Variants in TENM4 observed in about 807,000 individuals in gnomAD.
The protein encoded by TENM4 is teneurin-4.
Under a neutral mutation model 243.3 loss-of-function variants are expected in TENM4, and 82 were observed. The observed-to-expected ratio is 0.34, with a 90% CI of 0.28 to 0.40. The LOEUF is 0.40. TENM4 is among the 10% of genes least tolerant of loss of function. The pLI is 1.00. For missense variants in TENM4, 3,138 were observed against 3,673.3 expected (o/e 0.85, Z 3.77); for synonymous variants, 1,412 against 1,456.3 (o/e 0.97, Z 0.69).
At position 78,701,565 on chromosome 11, in the gene TENM4, G is replaced by T. The variant is rs777502608; in HGVS notation, c.5048C>A (p.Ala1683Glu). 3 of 1,597,508 alleles carry T rather than the reference G, an allele frequency of 1.9e-6. No homozygotes were observed. In the South Asian group the frequency reaches 3.3e-5, roughly 18 times the overall value. Residue 1683 changes from alanine to glutamate, a missense_variant, in exon 28 of 34, where the codon GCA (alanine) becomes GAA (glutamate). Ala to Glu is a moderately radical substitution (Grantham distance 107). This residue lies in a region of TENM4 where 2,467 missense variants were observed against 3,059.1 expected (regional missense o/e 0.81). Transcript: ENST00000278550. Reference protein sequence around the residue: ...MTYHGNSGLLATKSNENGWTT... With the variant: ...MTYHGNSGLLETKSNENGWTT... Reference sequence around the variant, plus strand: ...CCATCCGTTTTCATTGCTTTTGGTTGCCAGAAGGCCGGAATTGCCATGGTA... The same window carrying T: ...CCATCCGTTTTCATTGCTTTTGGTTTCCAGAAGGCCGGAATTGCCATGGTA...
chr11:79,292,845 A>G (rs1449464128), intron 2 of TENM4, among the ~76,000 whole-genome samples: 1 of 152,256 alleles, frequency 6.6e-6, no homozygotes, highest in Non-Finnish European at 1.5e-5. Context: ...TGCTTTGAGA[A>G]TTAAAATAAT....
intron 6 of TENM4, among the ~76,000 whole-genome samples, chr11:78,944,776 T>A (rs189274623): frequency 2.6e-4 from 39 of 152,334 alleles, no homozygotes; most frequent in African/African-American, 9.4e-4. Context: ...GCACACTGTA[T>A]CTTCACTTCC....
chr11:79,052,245 C>A (rs10899583), intron 6 of TENM4, among the ~76,000 whole-genome samples: 6,285 of 152,274 alleles, frequency 0.041, 200 homozygotes, highest in African/African-American at 0.086. Context: ...ACCAACAGTG[C>A]AAAAGCATTC....
chr11:79,368,057 G>A (rs1383909265), intron 1 of TENM4, among the ~76,000 whole-genome samples: 2 of 152,134 alleles, frequency 1.3e-5, no homozygotes, highest in South Asian at 2.1e-4. Context: ...ATGTGAGTTC[G>A]CTGCGGCCCT....
rs547932790 is a variant in TENM4, at chr11:78,799,865, G to A, written c.2179+5427C>T. Among the ~76,000 whole-genome samples the A allele has an allele frequency of 2.0e-5, 3 of 152,312 alleles. No individual in the cohort carries two copies. The South Asian group carries it at 6.2e-4, about 32-fold the overall frequency. Reference sequence around the variant, plus strand: ...CTAAGGAATAAAATATAGGGAGAGGGCCCTCTCAAATAAAAGTCATTTATG... The same window carrying A: ...CTAAGGAATAAAATATAGGGAGAGGACCCTCTCAAATAAAAGTCATTTATG... On this transcript the variant is annotated intron_variant, in intron 15 of 33. Coordinates refer to ENST00000278550, the MANE Select transcript of TENM4 (RefSeq NM_001098816.3).
At chr11:79,049,567 C>T (rs1441079410) in intron 6 of TENM4, among the ~76,000 whole-genome samples, 1 of 152,226 alleles carries the variant, frequency 6.6e-6, no homozygotes, top group Non-Finnish European at 1.5e-5. Flanking sequence ...GCAAAGCTGG[C>T]CTTGGGCTGG....
At chr11:79,003,994 G>GAA (rs34985685) in intron 6 of TENM4, among the ~76,000 whole-genome samples, 34,324 of 130,632 alleles carry the variant, frequency 0.26, 4,102 homozygotes, top group Middle Eastern at 0.39. Flanking sequence ...TCTAATTTCA[G>GAA]AAAAAAAAAA....
At chr11:79,400,099 C>CCACACA (rs71050221) in intron 1 of TENM4, among the ~76,000 whole-genome samples, 11,158 of 140,484 alleles carry the variant, frequency 0.079, 522 homozygotes, top group East Asian at 0.11. Context: ...TAAACACACA[C>CCACACA]CACACACACA....
chr11:79,376,548 G>A (rs1186044606), intron 1 of TENM4, among the ~76,000 whole-genome samples: 1 of 152,186 alleles, frequency 6.6e-6, no homozygotes, highest in Non-Finnish European at 1.5e-5. Flanking sequence ...ACTTGCTATA[G>A]TCTATATAAT....
intron 3 of TENM4, among the ~76,000 whole-genome samples, chr11:79,178,084 T>C (rs1010368517): frequency 4.6e-5 from 7 of 152,066 alleles, no homozygotes; most frequent in Admixed American, 1.3e-4. Flanking sequence ...TCACATACTT[T>C]TGAAGGCAGA....
intron 25 of TENM4, among the ~76,000 whole-genome samples, chr11:78,718,983 G>C (rs1217371589): frequency 6.6e-6 from 1 of 152,048 alleles, no homozygotes; most frequent in African/African-American, 2.4e-5. Flanking sequence ...GGAAGATGGA[G>C]ACATCATAAT....
intron 1 of TENM4, among the ~76,000 whole-genome samples, chr11:79,335,256 T>C (rs1430077378): frequency 3.3e-5 from 5 of 152,216 alleles, no homozygotes; most frequent in African/African-American, 1.2e-4. Flanking sequence ...CCACCATGAC[T>C]GGGGAAAGCC....
chr11:79,005,959 G>A (rs55869640), intron 6 of TENM4, among the ~76,000 whole-genome samples: 53 of 152,278 alleles, frequency 3.5e-4, no homozygotes, highest in African/African-American at 1.3e-3. Context: ...CAATGCCTAA[G>A]CTGAGAGCTA....
chr11:79,056,685 G>C (rs901254602), intron 6 of TENM4, among the ~76,000 whole-genome samples: 2 of 152,178 alleles, frequency 1.3e-5, no homozygotes, highest in African/African-American at 4.8e-5. Flanking sequence ...GCAAGGCTGG[G>C]TGAGGGAGTC....
At position 79,015,433 on chromosome 11, in the gene TENM4, A is replaced by G. The variant is rs534315819; in HGVS notation, c.493+49305T>C. Among the ~76,000 whole-genome samples the G allele has an allele frequency of 4.6e-5, 7 of 152,222 alleles. No homozygotes were observed. In the East Asian group the frequency reaches 9.7e-4, roughly 21 times the overall value. On this transcript the variant is annotated intron_variant, in intron 6 of 33. Coordinates refer to ENST00000278550, the MANE Select transcript of TENM4 (RefSeq NM_001098816.3). The stretch of plus-strand genomic sequence containing the variant: ...TTCATACTGTGGATCACTAACCTAT[A>G]GAGAAAAACTACACTGCTGATTTCA...
intron 16 of TENM4, among the ~76,000 whole-genome samples, chr11:78,780,973 C>A (rs1015162127): frequency 1.3e-5 from 2 of 152,306 alleles, no homozygotes; most frequent in Middle Eastern, 3.4e-3. Flanking sequence ...CCCCGAGCCA[C>A]ACTGTGAATC....
At chr11:79,304,430 G>T (rs1674861647) in intron 1 of TENM4, among the ~76,000 whole-genome samples, 1 of 152,204 alleles carries the variant, frequency 6.6e-6, no homozygotes, top group African/African-American at 2.4e-5. Flanking sequence ...GTAAAGATGA[G>T]CTCTCCTCCA....
chr11:78,900,755 C>T (rs977395736), intron 7 of TENM4, among the ~76,000 whole-genome samples: 2 of 152,100 alleles, frequency 1.3e-5, no homozygotes, highest in Admixed American at 6.5e-5. Flanking sequence ...TATGAAGGTC[C>T]CTCTGACTTT....
At chr11:78,693,989 T>G (rs904800111) in intron 28 of TENM4, among the ~76,000 whole-genome samples, 6 of 152,166 alleles carry the variant, frequency 3.9e-5, no homozygotes, top group Non-Finnish European at 8.8e-5. Context: ...CACTCCAGCC[T>G]GGGCGACAGA....
Sources: allele counts gnomAD v4.1 joint callset (sites outside exome capture counted in the v4.1 genomes callset), GRCh38; gene constraint gnomAD v4.1.1; regional missense constraint gnomAD v4.1.1; transcripts MANE v1.5; gene names NCBI Gene and HGNC (gene_info 2026-07-23, HGNC 2026-07-21).